Variants in ADK observed in about 807,000 individuals in gnomAD.
The protein encoded by ADK is N6,N6-dimethyladenosine kinase.
Under a neutral mutation model 44.7 loss-of-function variants are expected in ADK, and 24 were observed. That is an observed-to-expected ratio of 0.54 (90% confidence interval 0.39 to 0.76). The LOEUF is 0.76. Among genes scored for constraint, ADK ranks in the 30% least tolerant of loss-of-function variants. The probability of loss-of-function intolerance (pLI) is 0.00; values close to 1 mark genes in which losing one functional copy is unlikely to be tolerated. For synonymous variants in ADK, 128 were observed against 142.6 expected (o/e 0.90, Z 0.73); for missense variants, 321 against 425.1 (o/e 0.76, Z 2.15).
chr10:74,409,894 A>G (rs1844104288), intron 6 of ADK, among the ~76,000 whole-genome samples: 1 of 152,166 alleles, frequency 6.6e-6, no homozygotes, highest in Admixed American at 6.5e-5. Flanking sequence ...TGTTTGCCCT[A>G]TAGGTTTTTC....
intron 6 of ADK, among the ~76,000 whole-genome samples, chr10:74,400,585 T>A (rs1259579458): frequency 6.6e-6 from 1 of 152,238 alleles, no homozygotes; most frequent in African/African-American, 2.4e-5. Flanking sequence ...GTCTAGTTTT[T>A]TCTTAGCATA....
chr10:74,486,122 C>T (rs142886358), intron 6 of ADK, among the ~76,000 whole-genome samples: 1 of 152,164 alleles, frequency 6.6e-6, no homozygotes, highest in African/African-American at 2.4e-5. Flanking sequence ...GTGATTGGAT[C>T]ATGGGGGCGG....
At chr10:74,664,360 T>A (rs1412006862) in intron 9 of ADK, among the ~76,000 whole-genome samples, 1 of 152,086 alleles carries the variant, frequency 6.6e-6, no homozygotes, top group Non-Finnish European at 1.5e-5. Flanking sequence ...ATAGAAAAAT[T>A]CTAGAAGGAT....
At chr10:74,289,144 CT>C (rs1847307582) in intron 3 of ADK, among the ~76,000 whole-genome samples, 1 of 152,166 alleles carries the variant, frequency 6.6e-6, no homozygotes, top group Non-Finnish European at 1.5e-5. Flanking sequence ...TTTTTAAAAA[CT>C]ATATCAACAA....
At chr10:74,601,556 G>A (rs1440925459) in intron 9 of ADK, among the ~76,000 whole-genome samples, 3 of 152,058 alleles carry the variant, frequency 2.0e-5, no homozygotes, top group South Asian at 4.1e-4. Context: ...GATAAAGTGA[G>A]GGTATAAATG....
intron 3 of ADK, among the ~76,000 whole-genome samples, chr10:74,296,778 A>AT (rs368429755): frequency 1.3e-4 from 20 of 150,486 alleles, no homozygotes; most frequent in African/African-American, 2.7e-4. Context: ...CGCTGGGCTA[A>AT]TTTTTTTTTG....
intron 8 of ADK, among the ~76,000 whole-genome samples, chr10:74,595,220 C>CAT (rs1364172638): frequency 1.4e-5 from 2 of 143,696 alleles, no homozygotes; most frequent in African/African-American, 5.2e-5. Context: ...TTTTCAAAGT[C>CAT]ATATAGCTAA....
chr10:74,421,685 G>A (rs1427740982), intron 6 of ADK, among the ~76,000 whole-genome samples: 1 of 152,094 alleles, frequency 6.6e-6, no homozygotes, highest in African/African-American at 2.4e-5. Flanking sequence ...TTCTGGGGCT[G>A]GTGATGGGAA....
At chr10:74,332,911 G>A (rs1393097810) in intron 4 of ADK, among the ~76,000 whole-genome samples, 1 of 151,968 alleles carries the variant, frequency 6.6e-6, no homozygotes, top group East Asian at 1.9e-4. Flanking sequence ...GTCTTATTAA[G>A]GTTATTTTTC....
intron 9 of ADK, among the ~76,000 whole-genome samples, chr10:74,623,473 TC>T (rs1853072303): frequency 6.6e-6 from 1 of 152,082 alleles, no homozygotes; most frequent in South Asian, 2.1e-4. Flanking sequence ...CCATATATGA[TC>T]TAGTCCGTAC....
intron 3 of ADK, among the ~76,000 whole-genome samples, chr10:74,265,327 T>A (rs1846176493): frequency 6.6e-6 from 1 of 152,012 alleles, no homozygotes; most frequent in African/African-American, 2.4e-5. Context: ...GCGATTCCCC[T>A]GCTTCAGCCT....
At chr10:74,655,947 G>C in intron 9 of ADK, 1 of 698,898 alleles carries the variant, frequency 1.4e-6, no homozygotes, top group Admixed American at 1.8e-5. Context: ...GTCCGAAAGG[G>C]TGCAACTCCT....
intron 2 of ADK, among the ~76,000 whole-genome samples, chr10:74,210,706 A>T (rs1843781867): frequency 6.6e-6 from 1 of 152,220 alleles, no homozygotes; most frequent in Non-Finnish European, 1.5e-5. Context: ...CAGTGCCAAT[A>T]ATTTACAACT....
intron 6 of ADK, among the ~76,000 whole-genome samples, chr10:74,437,146 A>G (rs1263954369): frequency 6.6e-6 from 1 of 152,194 alleles, no homozygotes; most frequent in Non-Finnish European, 1.5e-5. Flanking sequence ...AAGCAATATT[A>G]TAAGTGAAAA....
chr10:74,191,314 G>GT (rs551012623), intron 1 of ADK, among the ~76,000 whole-genome samples: 1 of 151,636 alleles, frequency 6.6e-6, no homozygotes, highest in Non-Finnish European at 1.5e-5. Context: ...GTTCTTGTTG[G>GT]TTTTATGGAA....
At chr10:74,446,481 G>A (rs144288788) in intron 6 of ADK, among the ~76,000 whole-genome samples, 5 of 152,276 alleles carry the variant, frequency 3.3e-5, no homozygotes, top group African/African-American at 1.2e-4. Flanking sequence ...AAGAAGATAG[G>A]ATGGGGTCAG....
intron 7 of ADK, among the ~76,000 whole-genome samples, chr10:74,568,120 G>A (rs1206576364): frequency 1.3e-5 from 2 of 152,034 alleles, no homozygotes; most frequent in Admixed American, 6.5e-5. Context: ...CATAAACTTT[G>A]TTAAAAGATT....
rs1844774468 is a variant in ADK, at chr10:74,425,791, G to GT, written c.555+27213dup. 3.9e-5 allele frequency among the ~76,000 whole-genome samples: 6 copies of GT among 152,172 alleles called. No homozygotes were observed. In the South Asian group the frequency reaches 1.2e-3, roughly 32 times the overall value. ...TTTGTTTTAACCTTTTGAGTATTCT[G>GT]TGTCAACTCAGCAATATACTTCAAA... On this transcript the variant is annotated intron_variant, in intron 6 of 10. Transcript: ENST00000539909.
chr10:74,662,963 G>A (rs772082280), intron 9 of ADK, among the ~76,000 whole-genome samples: 1 of 151,914 alleles, frequency 6.6e-6, no homozygotes, highest in African/African-American at 2.4e-5. Flanking sequence ...GCATGGTAGC[G>A]CATGCCTGTA....
Sources: gnomAD v4.1 joint callset for allele counts (sites outside exome capture counted in the v4.1 genomes callset) on GRCh38, gnomAD v4.1.1 for gene constraint, MANE v1.5 for transcripts, NCBI Gene and HGNC (gene_info 2026-07-23, HGNC 2026-07-21) for gene names.